Variants in GRHL2 observed in about 807,000 individuals in gnomAD.
GRHL2 encodes the protein grainyhead like transcription factor 2, also known as grainyhead-like protein 2 homolog.
In GRHL2, 21 loss-of-function variants were observed where a neutral mutation model predicts 83.8. The ratio of observed to expected loss-of-function variants is 0.25; its 90% CI spans 0.18 to 0.36. GRHL2 has a LOEUF of 0.36. Among genes scored for constraint, GRHL2 ranks in the 10% least tolerant of loss-of-function variants. The pLI is 1.00. For synonymous variants in GRHL2, 280 were observed against 278.9 expected (o/e 1.00, Z -0.04); for missense variants, 623 against 781.8 (o/e 0.80, Z 2.42).
intron 7 of GRHL2, 23 bp downstream of exon 7, chr8:101,577,542 G>A (rs755767318): frequency 6.8e-7 from 1 of 1,460,924 alleles, no homozygotes; most frequent in Non-Finnish European, 9.6e-7. Context: ...TGACTTCCCT[G>A]TATAGTCCTC....
At chr8:101,553,246 G>T (rs1811421644) in intron 3 of GRHL2, among the ~76,000 whole-genome samples, 1 of 152,212 alleles carries the variant, frequency 6.6e-6, no homozygotes, top group Admixed American at 6.5e-5. Context: ...TCGCTGTCAG[G>T]GTGAAGGGGC....
chr8:101,510,049 G>A (rs1349255323), intron 1 of GRHL2, among the ~76,000 whole-genome samples: 1 of 152,114 alleles, frequency 6.6e-6, no homozygotes, highest in Non-Finnish European at 1.5e-5. Flanking sequence ...AGAGTGCAGT[G>A]GTGTGATTTC....
chr8:101,498,239 C>G (rs1810148129), intron 1 of GRHL2, among the ~76,000 whole-genome samples: 1 of 152,234 alleles, frequency 6.6e-6, no homozygotes, highest in Admixed American at 6.5e-5. Flanking sequence ...CTGCCTCAGC[C>G]TCCCCAGTAG....
At chr8:101,680,697 G>A in the GRHL2 span, among the ~76,000 whole-genome samples, 1 of 129,378 alleles carries the variant, frequency 7.7e-6, no homozygotes, top group Non-Finnish European at 1.6e-5. Context: ...CTCAGCAAAT[G>A]TAAAAGAACA....
Position 101,635,132 on chromosome 8 carries a change from A to G in GRHL2, c.1486-1765A>G, listed in dbSNP as rs117932823. ...CTCTTGCACTGTTGTTTGTAAAAAAACTTTTCCCACATCACAGGAGTTCTT... is the reference window on the plus strand; with the variant it reads ...CTCTTGCACTGTTGTTTGTAAAAAAGCTTTTCCCACATCACAGGAGTTCTT... On this transcript the variant is annotated intron_variant, in intron 11 of 15. Coordinates refer to ENST00000646743, the MANE Select transcript of GRHL2 (RefSeq NM_024915.4). Among the ~76,000 whole-genome samples, 480 of 152,314 alleles carry G rather than the reference A, an allele frequency of 3.2e-3. 7 individuals are homozygous for G. The East Asian group carries it at 0.056, about 18-fold the overall frequency.
chr8:101,660,189 T>TTAAG (rs1303153758), intron 14 of GRHL2, among the ~76,000 whole-genome samples: 1 of 152,274 alleles, frequency 6.6e-6, no homozygotes, highest in African/African-American at 2.4e-5. Context: ...TAATTTTTGC[T>TTAAG]TAAGTGCCAT....
At chr8:101,570,939 C>T (rs1811808477) in intron 5 of GRHL2, among the ~76,000 whole-genome samples, 1 of 152,218 alleles carries the variant, frequency 6.6e-6, no homozygotes, top group African/African-American at 2.4e-5. Context: ...CATTGGATCT[C>T]CCTGCCAACA....
At chr8:101,580,270 C>A (rs1350925125) in intron 7 of GRHL2, among the ~76,000 whole-genome samples, 1 of 152,154 alleles carries the variant, frequency 6.6e-6, no homozygotes, top group African/African-American at 2.4e-5. Flanking sequence ...TTTGGGATAT[C>A]CATCGCCTCA....
intron 14 of GRHL2, among the ~76,000 whole-genome samples, chr8:101,651,759 T>C (rs1813625189): frequency 6.6e-6 from 1 of 152,190 alleles, no homozygotes; most frequent in Non-Finnish European, 1.5e-5. Context: ...CCTTTGACCC[T>C]GTAAGCCACA....
chr8:101,642,175 A>G (rs992783738), intron 12 of GRHL2, among the ~76,000 whole-genome samples: 2 of 152,220 alleles, frequency 1.3e-5, no homozygotes, highest in Non-Finnish European at 2.9e-5. Flanking sequence ...CCTTGCTTTG[A>G]AAACAAATGA....
At chr8:101,514,845 C>T (rs943567018) in intron 1 of GRHL2, among the ~76,000 whole-genome samples, 5 of 152,070 alleles carry the variant, frequency 3.3e-5, no homozygotes, top group Non-Finnish European at 7.4e-5. Context: ...CTTCCATGCT[C>T]ACTTTTCTCT....
At chr8:101,521,465 T>C (rs1459674297) in intron 1 of GRHL2, among the ~76,000 whole-genome samples, 1 of 152,196 alleles carries the variant, frequency 6.6e-6, no homozygotes, top group East Asian at 1.9e-4. Flanking sequence ...ATGGTCCCCA[T>C]GATATTTTCT....
Position 101,492,809 on chromosome 8 carries a change from C to G in GRHL2, c.20+20C>G. 6.2e-7 allele frequency: 1 copy of G among 1,613,112 alleles called. No individual in the cohort carries two copies. The highest frequency in any genetic ancestry group is 8.5e-7 in the Non-Finnish European group (1 of 1,179,054). Reference sequence around the variant, plus strand: ...GGACAAGTAAGTGGATCACACGCGCCGGCTGCTGCTACTACTACCACTTTG... The same window carrying G: ...GGACAAGTAAGTGGATCACACGCGCGGGCTGCTGCTACTACTACCACTTTG... On this transcript the variant is annotated intron_variant, in intron 1 of 15. Transcript: ENST00000646743.
chr8:101,632,484 A>G (rs1164666370), intron 11 of GRHL2, 119 bp downstream of exon 11: 1 of 1,218,772 alleles, frequency 8.2e-7, no homozygotes, highest in African/African-American at 1.5e-5. Context: ...TTCACTAGAG[A>G]AAAAGTCAAT....
At chr8:101,535,358 C>T (rs1811023675) in intron 1 of GRHL2, among the ~76,000 whole-genome samples, 1 of 152,052 alleles carries the variant, frequency 6.6e-6, no homozygotes, top group Non-Finnish European at 1.5e-5. Flanking sequence ...AAGCCAAAGA[C>T]TAAGCTAGAG....
chr8:101,537,267 A>C (rs1811063052), intron 1 of GRHL2, among the ~76,000 whole-genome samples: 1 of 152,218 alleles, frequency 6.6e-6, no homozygotes, highest in Non-Finnish European at 1.5e-5. Context: ...TTAGTCATTA[A>C]AGTAGAGCAA....
intron 6 of GRHL2, among the ~76,000 whole-genome samples, chr8:101,575,009 C>G (rs1811904989): frequency 6.6e-6 from 1 of 152,102 alleles, no homozygotes; most frequent in South Asian, 2.1e-4. Flanking sequence ...GGTGAGGGAA[C>G]CAGGATCTAC....
At chr8:101,675,017 G>A in the GRHL2 span, among the ~76,000 whole-genome samples, 1 of 152,102 alleles carries the variant, frequency 6.6e-6, no homozygotes, top group Admixed American at 6.5e-5. Flanking sequence ...AACCCTTCAT[G>A]CTAAAAACTC....
At chr8:101,602,012 G>A (rs750784933) in intron 8 of GRHL2, among the ~76,000 whole-genome samples, 18 of 152,072 alleles carry the variant, frequency 1.2e-4, no homozygotes, top group Admixed American at 2.6e-4. Context: ...GGTGCGTAAT[G>A]TTCCTCCTCT....
Sources: gnomAD v4.1 joint callset for allele counts (sites outside exome capture counted in the v4.1 genomes callset) on GRCh38, gnomAD v4.1.1 for gene constraint, MANE v1.5 for transcripts, NCBI Gene and HGNC (gene_info 2026-07-23, HGNC 2026-07-21) for gene names.